CYP3A43: variants seen among roughly 807,000 people sequenced by gnomAD.
CYP3A43 encodes the protein cytochrome P450 family 3 subfamily A member 43.
Under a neutral mutation model 58.0 loss-of-function variants are expected in CYP3A43, and 45 were observed. The ratio of observed to expected loss-of-function variants is 0.78; its 90% CI spans 0.61 to 0.99. CYP3A43 has a LOEUF of 0.99. CYP3A43 is among the 50% of genes least tolerant of loss of function. CYP3A43 has a pLI of 0.00. For missense variants in CYP3A43, 593 were observed against 591.9 expected (o/e 1.00, Z -0.02); for synonymous variants, 191 against 201.4 (o/e 0.95, Z 0.44).
chr7:99,828,694 G>A (rs1159222174), intron 1 of CYP3A43, among the ~76,000 whole-genome samples: 1 of 152,078 alleles, frequency 6.6e-6, no homozygotes, highest in Non-Finnish European at 1.5e-5. Context: ...ATACTGAGTA[G>A]TTTGAACTAA....
At chr7:99,864,898 T>C (rs1002318614) in intron 12 of CYP3A43, among the ~76,000 whole-genome samples, 1 of 148,700 alleles carries the variant, frequency 6.7e-6, no homozygotes, top group African/African-American at 2.6e-5. Context: ...ATGGAATCTT[T>C]CTCTGAAGAA....
At position 99,828,014 on chromosome 7, in the gene CYP3A43, C is replaced by T; in HGVS notation, c.-102C>T. The T allele has an allele frequency of 5.6e-6, 5 of 896,680 alleles. No homozygotes were observed. The highest frequency in any genetic ancestry group is 8.5e-6 in the Non-Finnish European group (5 of 591,262). 55.5% of individuals were successfully genotyped at this position (896,680 alleles called of 1,614,324 possible). ...ATCGCTGTTAACATTAACTAAATCA[C>T]CTCTGGGCAGAGAAACAAAGCTCTA... On this transcript the variant is annotated 5_prime_UTR_variant, in exon 1 of 13. Coordinates refer to ENST00000354829, the MANE Select transcript of CYP3A43 (RefSeq NM_057095.3).
In CYP3A43 at chr7:99,834,274, A is replaced by T. The variant is rs150995954; in HGVS notation, c.72-2179A>T. On this transcript the variant is annotated intron_variant, in intron 1 of 12. Coordinates refer to ENST00000354829, the MANE Select transcript of CYP3A43 (RefSeq NM_057095.3). ...ATATAGATGGGGGTACGGTACCCCC[A>T]TGACCTTTCTTGCACCTAGGTAGCT... Among the ~76,000 whole-genome samples, 325 of 152,274 alleles carry T rather than the reference A, an allele frequency of 2.1e-3. 2 individuals carry two copies. The highest frequency in any genetic ancestry group is 7.5e-3 in the African/African-American group (313 of 41,544).
intron 4 of CYP3A43, among the ~76,000 whole-genome samples, chr7:99,845,752 T>C (rs1584216382): frequency 6.6e-6 from 1 of 151,908 alleles, no homozygotes; most frequent in South Asian, 2.1e-4. Flanking sequence ...TTACTCCCAC[T>C]TTATTTATTG....
At chr7:99,838,212 G>C (rs45616432) in intron 2 of CYP3A43, among the ~76,000 whole-genome samples, 6,390 of 152,230 alleles carry the variant, frequency 0.042, 451 homozygotes, top group African/African-American at 0.14. Flanking sequence ...CTTATTATGT[G>C]TTAAGCTGGA....
intron 2 of CYP3A43, among the ~76,000 whole-genome samples, chr7:99,838,490 C>T (rs763179261): frequency 9.2e-5 from 14 of 152,170 alleles, no homozygotes; most frequent in Non-Finnish European, 1.9e-4. Flanking sequence ...GGTGATAATT[C>T]AGGGGTTTAT....
chr7:99,848,378 A>G (rs1817620480), intron 6 of CYP3A43, 124 bp downstream of exon 6: 4 of 952,058 alleles, frequency 4.2e-6, no homozygotes, highest in African/African-American at 3.3e-5. Flanking sequence ...TGGTGTTGCA[A>G]CTCCAATAGG....
chr7:99,830,899 G>A (rs1325335983), intron 1 of CYP3A43, among the ~76,000 whole-genome samples: 2 of 152,180 alleles, frequency 1.3e-5, no homozygotes. Flanking sequence ...CCCTACAGAT[G>A]TTACACAGAT....
rs586942 is a variant in CYP3A43, at chr7:99,859,040, C to A, written c.866-790C>A. On this transcript the variant is annotated intron_variant, in intron 9 of 12. Transcript: ENST00000354829. ...CATTGGACTACAGTCAATCACCTCACTTCTAGATTTTTGTCTCTGTAGCTT... is the reference window on the plus strand; with the variant it reads ...CATTGGACTACAGTCAATCACCTCAATTCTAGATTTTTGTCTCTGTAGCTT... Among the ~76,000 whole-genome samples the A allele has an allele frequency of 3.7e-3, 551 of 149,826 alleles. 4 individuals are homozygous for A. Among genetic ancestry groups the A allele is most frequent in the African/African-American group, 0.013 (525 of 39,218 alleles).
intron 10 of CYP3A43, among the ~76,000 whole-genome samples, 184 bp downstream of exon 10, chr7:99,860,174 T>G (rs1818173364): frequency 6.6e-6 from 1 of 152,234 alleles, no homozygotes; most frequent in African/African-American, 2.4e-5. Context: ...GCTTCTTGCG[T>G]AAGTGTAAGA....
At chr7:99,848,074 C>T in intron 5 of CYP3A43, 92 bp from the exon 6 acceptor site, 1 of 1,289,444 alleles carries the variant, frequency 7.8e-7, no homozygotes, top group South Asian at 1.3e-5. Flanking sequence ...TGAGTCATTA[C>T]AAAATATCAT....
chr7:99,855,134 C>A (rs928662930), intron 7 of CYP3A43, among the ~76,000 whole-genome samples: 1 of 152,178 alleles, frequency 6.6e-6, no homozygotes, highest in African/African-American at 2.4e-5. Context: ...CCTGCCTCAG[C>A]CTCCCTAAGT....
chr7:99,860,624 G>C (rs1297352009), intron 10 of CYP3A43, among the ~76,000 whole-genome samples: 1 of 152,204 alleles, frequency 6.6e-6, no homozygotes, highest in African/African-American at 2.4e-5. Flanking sequence ...GCTGGCCCTG[G>C]TTTGGCAGTG....
At chr7:99,843,958 C>T (rs1465987927) in intron 3 of CYP3A43, among the ~76,000 whole-genome samples, 185 bp from the exon 4 acceptor site, 1 of 152,188 alleles carries the variant, frequency 6.6e-6, no homozygotes, top group Non-Finnish European at 1.5e-5. Context: ...GCTTAAGTGG[C>T]TTCCGTGGTG....
rs144844086 is a variant in CYP3A43 at position 99,866,044 on chromosome 7, C to T, written c.*43C>T. On this transcript the variant is annotated 3_prime_UTR_variant, in exon 13 of 13. Transcript: ENST00000354829. ...CACTTTGTTCAAGAAAGCTGTATCC[C>T]AGAACACTAGACACTTCAAATTGTT... 1 of 1,277,104 alleles carries T rather than the reference C, an allele frequency of 7.8e-7. No individual in the cohort carries two copies. Among genetic ancestry groups the T allele is most frequent in the African/African-American group, 1.5e-5 (1 of 66,242 alleles). The allele number at this position is 1,277,104 out of a possible 1,614,324, so 79.1% of individuals were successfully genotyped here.
chr7:99,854,365 C>A (rs867611853), intron 7 of CYP3A43, among the ~76,000 whole-genome samples: 43 of 151,878 alleles, frequency 2.8e-4, no homozygotes, highest in African/African-American at 9.0e-4. Context: ...CACCACCATG[C>A]CCAGCTAACT....
chr7:99,848,552 G>A (rs572896798), intron 6 of CYP3A43, among the ~76,000 whole-genome samples: 4 of 152,154 alleles, frequency 2.6e-5, no homozygotes, highest in African/African-American at 4.8e-5. Flanking sequence ...AAACCTGATT[G>A]TACTAAAGTT....
At chr7:99,864,595 CT>C (rs2151629556) in intron 12 of CYP3A43, among the ~76,000 whole-genome samples, 1 of 148,726 alleles carries the variant, frequency 6.7e-6, no homozygotes, top group African/African-American at 2.6e-5. Flanking sequence ...TTCTACAAGT[CT>C]TTTCTCTATT....
intron 7 of CYP3A43, among the ~76,000 whole-genome samples, chr7:99,851,603 T>A (rs1391470102): frequency 6.6e-6 from 1 of 152,222 alleles, no homozygotes; most frequent in Non-Finnish European, 1.5e-5. Flanking sequence ...TCTGTTCAAG[T>A]CTTTTGCCCA....
Sources: gnomAD v4.1 joint callset for allele counts (sites outside exome capture counted in the v4.1 genomes callset) on GRCh38, gnomAD v4.1.1 for gene constraint, MANE v1.5 for transcripts, NCBI Gene and HGNC (gene_info 2026-07-23, HGNC 2026-07-21) for gene names.